The following CCNY variants were observed in gnomAD, a reference collection of about 807,000 sequenced individuals.
CCNY encodes cyclin-Y.
In CCNY, 19 loss-of-function variants were observed where a neutral mutation model predicts 42.8. The ratio of observed to expected loss-of-function variants is 0.44; its 90% CI spans 0.31 to 0.65. The LOEUF (loss-of-function observed/expected upper bound fraction) is 0.65, where lower values mean the gene tolerates loss of function less well. CCNY is among the 30% of genes least tolerant of loss of function. CCNY has a pLI of 0.07. For missense variants in CCNY, 370 were observed against 437.3 expected (o/e 0.85, Z 1.37); for synonymous variants, 165 against 162.7 (o/e 1.01, Z -0.11).
chr10:35,396,230 G>T lies in CCNY; in HGVS notation c.154+59023G>T, dbSNP rs1288555799. Among the ~76,000 whole-genome samples, 3 of 152,240 alleles carry T rather than the reference G, an allele frequency of 2.0e-5. No homozygotes were observed. The East Asian group carries it at 5.8e-4, about 29-fold the overall frequency. On this transcript the variant is annotated intron_variant, in intron 1 of 9. Coordinates refer to ENST00000374704, the MANE Select transcript of CCNY (RefSeq NM_145012.6). ...TCGGGGGATCACAGTGTAGAAACTA[G>T]TTGAGAGAGCCTGGAGTATGGAAAG...
chr10:35,459,459 A>G (rs1839109611), intron 1 of CCNY, among the ~76,000 whole-genome samples: 2 of 152,208 alleles, frequency 1.3e-5, no homozygotes, highest in South Asian at 4.1e-4. Flanking sequence ...GTGTGGCCCA[A>G]GACAATTCTT....
intron 3 of CCNY, among the ~76,000 whole-genome samples, chr10:35,293,888 T>G (rs2135066014): frequency 6.6e-6 from 1 of 152,008 alleles, no homozygotes; most frequent in Admixed American, 6.6e-5. Context: ...CCTCCTGGGT[T>G]CAAGTGATTC....
chr10:35,384,765 A>G (rs981610310), intron 1 of CCNY, among the ~76,000 whole-genome samples: 4 of 152,070 alleles, frequency 2.6e-5, no homozygotes, highest in African/African-American at 7.2e-5. Context: ...TGCCCCTGGG[A>G]CCCTTTCAGT....
At chr10:35,524,031 CA>C (rs1840600513) in intron 4 of CCNY, among the ~76,000 whole-genome samples, 1 of 152,192 alleles carries the variant, frequency 6.6e-6, no homozygotes, top group Non-Finnish European at 1.5e-5. Context: ...GAAGAACAGT[CA>C]TCACAGCATG....
intron 3 of CCNY, among the ~76,000 whole-genome samples, chr10:35,507,277 G>GTA (rs1257618232): frequency 6.6e-6 from 1 of 151,998 alleles, no homozygotes; most frequent in Non-Finnish European, 1.5e-5. Flanking sequence ...ATATGTGTGT[G>GTA]TATATATATG....
chr10:35,289,878 C>CA lies in CCNY; in HGVS notation c.-9+39271dup, dbSNP rs35388058. On this transcript the variant is annotated intron_variant, in intron 3 of 11. Transcript: ENST00000374706. ...TGGGTGACAGAGTGAGACTCTGTCT[C>CA]AAAAAAAAAAAAAAAAAAAGTTCCT... Among the ~76,000 whole-genome samples, 509 of 85,422 alleles carry CA rather than the reference C, an allele frequency of 6.0e-3. 1 individual carries two copies. The highest frequency in any genetic ancestry group is 0.014 in the African/African-American group (287 of 20,216). 56.0% of individuals were successfully genotyped at this position (85,422 alleles called of 152,430 possible).
chr10:35,327,682 T>C (rs760595669), intron 3 of CCNY: 4 of 152,250 alleles, frequency 2.6e-5, no homozygotes, highest in Non-Finnish European at 5.9e-5. Context: ...TGTTGAGCAC[T>C]GTATACACAG....
chr10:35,500,490 G>A (rs1039360360), intron 2 of CCNY, among the ~76,000 whole-genome samples: 1 of 152,208 alleles, frequency 6.6e-6, no homozygotes, highest in African/African-American at 2.4e-5. Flanking sequence ...CTTTGCAGAG[G>A]CATGGACTGT....
intron 3 of CCNY, among the ~76,000 whole-genome samples, chr10:35,509,807 A>C (rs779167243): frequency 2.6e-5 from 4 of 152,224 alleles, no homozygotes; most frequent in Non-Finnish European, 2.9e-5. Context: ...CACAGGCTTC[A>C]GAATCCCACA....
chr10:35,349,341 C>G (rs965856408), intron 1 of CCNY, among the ~76,000 whole-genome samples: 1 of 152,206 alleles, frequency 6.6e-6, no homozygotes, highest in African/African-American at 2.4e-5. Flanking sequence ...CCCACAACCT[C>G]AGACTACATC....
chr10:35,549,294 G>C (rs1363664275), intron 7 of CCNY, among the ~76,000 whole-genome samples: 3 of 152,178 alleles, frequency 2.0e-5, no homozygotes, highest in Admixed American at 6.5e-5. Context: ...TTAGGGATGA[G>C]GGGTGGGGGG....
In CCNY at chr10:35,432,265, A is replaced by G. The variant is rs144455165; in HGVS notation, c.155-51139A>G. The stretch of plus-strand genomic sequence containing the variant: ...TCTCCACTTCAGTGTCTTGATTTGT[A>G]AAATGAGAATAATGATAGCTACCTC... On this transcript the variant is annotated intron_variant, in intron 1 of 9. Transcript: ENST00000374704. Among the ~76,000 whole-genome samples the G allele has an allele frequency of 4.5e-4, 68 of 152,326 alleles. 1 individual carries two copies. The East Asian group carries it at 0.011, about 25-fold the overall frequency.
rs763262866 is a variant in CCNY at position 35,337,044 on chromosome 10, G to A, written c.-10G>A. ...ACAGGATAGCAGCAGGAGTCGGGGGGCCGCCGAAGATGGGGAACACTACCT... is the reference window on the plus strand; with the variant it reads ...ACAGGATAGCAGCAGGAGTCGGGGGACCGCCGAAGATGGGGAACACTACCT... On this transcript the variant is annotated 5_prime_UTR_variant, in exon 1 of 10. Transcript: ENST00000374704. 14 of 1,554,146 alleles carry A rather than the reference G, an allele frequency of 9.0e-6. No homozygotes were observed. The highest frequency in any genetic ancestry group is 1.4e-5 in the African/African-American group (1 of 70,898).
chr10:35,546,322 A>G (rs1841115699), intron 7 of CCNY, among the ~76,000 whole-genome samples: 1 of 152,170 alleles, frequency 6.6e-6, no homozygotes, highest in Non-Finnish European at 1.5e-5. Flanking sequence ...ATCCCCTCCA[A>G]ATGCCTCTGA....
rs1835196347 is a variant in CCNY, at chr10:35,273,369, T to C, written c.-9+22743T>C. ...GGCGTGCACCACCATGCCCGGCTCA[T>C]TTTTTTTGTATTTTTAGTAGAGATG... On this transcript the variant is annotated intron_variant, in intron 3 of 11. Transcript: ENST00000374706. 2.6e-5 allele frequency among the ~76,000 whole-genome samples: 4 copies of C among 151,220 alleles called. No individual in the cohort carries two copies. The South Asian group carries it at 8.5e-4, about 32-fold the overall frequency.
chr10:35,561,631 C>T (rs1464652463), intron 8 of CCNY, among the ~76,000 whole-genome samples: 9 of 152,132 alleles, frequency 5.9e-5, no homozygotes. Context: ...TTCTAGGTAC[C>T]CTTCTTCCTG....
intron 1 of CCNY, among the ~76,000 whole-genome samples, chr10:35,345,100 A>T (rs1455913817): frequency 6.6e-6 from 1 of 152,192 alleles, no homozygotes; most frequent in Non-Finnish European, 1.5e-5. Context: ...CAGTAATGGG[A>T]TGGCTGGGCG....
Position 35,383,357 on chromosome 10 carries a change from G to A in CCNY, c.154+46150G>A, listed in dbSNP as rs1837232325. ...GTGTTTTGCTCTGTTGCCCAGGCTG[G>A]AGTGCAGTGGCACAATCTCGGCTCA... On this transcript the variant is annotated intron_variant, in intron 1 of 9. Coordinates refer to ENST00000374704, the MANE Select transcript of CCNY (RefSeq NM_145012.6). Among the ~76,000 whole-genome samples the A allele has an allele frequency of 2.0e-5, 3 of 151,598 alleles. No homozygotes were observed. The South Asian group carries it at 6.3e-4, about 32-fold the overall frequency.
chr10:35,555,828 T>C (rs1841352472), intron 8 of CCNY, among the ~76,000 whole-genome samples: 1 of 152,250 alleles, frequency 6.6e-6, no homozygotes, highest in South Asian at 2.1e-4. Flanking sequence ...GTTTTGATAA[T>C]GATAGCCTTA....
Sources: gnomAD v4.1 joint callset for allele counts (sites outside exome capture counted in the v4.1 genomes callset) on GRCh38, gnomAD v4.1.1 for gene constraint, MANE v1.5 for transcripts, NCBI Gene and HGNC (gene_info 2026-07-23, HGNC 2026-07-21) for gene names.